HOMER1: variants seen among roughly 807,000 people sequenced by gnomAD.
The protein encoded by HOMER1 is homer protein homolog 1.
Under a neutral mutation model 48.9 loss-of-function variants are expected in HOMER1, and 3 were observed. The observed-to-expected ratio is 0.06, with a 90% CI of 0.03 to 0.16. The LOEUF (loss-of-function observed/expected upper bound fraction) is 0.16, where lower values mean the gene tolerates loss of function less well. HOMER1 is among the 10% of genes least tolerant of loss of function. The pLI is 1.00. For synonymous variants in HOMER1, 134 were observed against 146.4 expected (o/e 0.92, Z 0.61); for missense variants, 247 against 411.4 (o/e 0.60, Z 3.46).
At chr5:79,396,554 AT>A (rs768588814) in intron 8 of HOMER1, among the ~76,000 whole-genome samples, 6 of 150,806 alleles carry the variant, frequency 4.0e-5, no homozygotes, top group African/African-American at 7.3e-5. Flanking sequence ...AACCCAGAGT[AT>A]TTTTTTTTAA....
At chr5:79,381,274 C>A (rs191707667) in intron 8 of HOMER1, among the ~76,000 whole-genome samples, 1 of 152,324 alleles carries the variant, frequency 6.6e-6, no homozygotes, top group East Asian at 1.9e-4. Context: ...CATACAGAGA[C>A]CATGCTACTG....
At chr5:79,378,487 A>C (rs1230898078) in intron 8 of HOMER1, among the ~76,000 whole-genome samples, 1 of 152,200 alleles carries the variant, frequency 6.6e-6, no homozygotes, top group Non-Finnish European at 1.5e-5. Flanking sequence ...GGTCAAGATA[A>C]GTAAATTGAG....
chr5:79,397,055 T>C, intron 7 of HOMER1, 152 bp from the exon 8 acceptor site: 2 of 566,442 alleles, frequency 3.5e-6, no homozygotes, highest in Non-Finnish European at 6.2e-6. Flanking sequence ...AATTCATCTT[T>C]ATATGTATGT....
chr5:79,488,285 G>A (rs1752174970), intron 1 of HOMER1, among the ~76,000 whole-genome samples: 1 of 152,166 alleles, frequency 6.6e-6, no homozygotes, highest in African/African-American at 2.4e-5. Flanking sequence ...AGAAGAGAAG[G>A]GGTCCTGACG....
chr5:79,478,642 A>C (rs544990649), intron 1 of HOMER1, among the ~76,000 whole-genome samples: 1 of 151,780 alleles, frequency 6.6e-6, no homozygotes, highest in Non-Finnish European at 1.5e-5. Context: ...CATTCAAAAT[A>C]ATTCCAATCT....
chr5:79,392,141 T>C (rs975168774), intron 8 of HOMER1, among the ~76,000 whole-genome samples: 1 of 152,222 alleles, frequency 6.6e-6, no homozygotes, highest in Non-Finnish European at 1.5e-5. Context: ...GTCACTGGTT[T>C]ATATATTTAT....
intron 1 of HOMER1, among the ~76,000 whole-genome samples, chr5:79,480,326 C>T (rs1472001295): frequency 1.3e-5 from 2 of 152,068 alleles, no homozygotes; most frequent in Admixed American, 1.3e-4. Flanking sequence ...ACATTTCAAA[C>T]AACTCTAAGA....
intron 1 of HOMER1, among the ~76,000 whole-genome samples, chr5:79,464,825 T>A (rs1007943056): frequency 1.3e-5 from 2 of 152,196 alleles, no homozygotes; most frequent in African/African-American, 2.4e-5. Context: ...TGTTCTTTTT[T>A]AAAAACCATA....
intron 5 of HOMER1, among the ~76,000 whole-genome samples, chr5:79,434,875 C>G (rs1478687734): frequency 1.3e-5 from 2 of 152,050 alleles, no homozygotes; most frequent in African/African-American, 4.8e-5. Context: ...TATAATGCCA[C>G]TGAATCAGGT....
chr5:79,445,414 T>C (rs1182579183), intron 4 of HOMER1, among the ~76,000 whole-genome samples: 3 of 152,336 alleles, frequency 2.0e-5, no homozygotes, highest in Non-Finnish European at 2.9e-5. Flanking sequence ...ATATTAATCA[T>C]ACAGTAAAAC....
intron 1 of HOMER1, among the ~76,000 whole-genome samples, chr5:79,491,900 A>C (rs952725545): frequency 1.3e-5 from 2 of 152,188 alleles, no homozygotes; most frequent in Non-Finnish European, 2.9e-5. Context: ...GACACACAAA[A>C]CCTAAGTAAC....
chr5:79,408,722 T>C lies in HOMER1; in HGVS notation c.528-6667A>G, dbSNP rs1007354541. 1.6e-4 allele frequency among the ~76,000 whole-genome samples: 24 copies of C among 152,190 alleles called. No homozygotes were observed. The East Asian group carries it at 2.7e-3, about 17-fold the overall frequency. ...TAGATATTATACAATACCAAAAACA[T>C]GGTCCATTAAAAAAACTGATCACAG... On this transcript the variant is annotated intron_variant, in intron 5 of 8. Transcript: ENST00000334082.
intron 1 of HOMER1, among the ~76,000 whole-genome samples, chr5:79,466,006 T>C (rs1416090047): frequency 6.6e-6 from 1 of 152,142 alleles, no homozygotes; most frequent in Non-Finnish European, 1.5e-5. Flanking sequence ...AGCTATAAAG[T>C]ATTAAGGAAT....
chr5:79,420,778 A>G (rs1438726088), intron 5 of HOMER1, among the ~76,000 whole-genome samples: 1 of 152,146 alleles, frequency 6.6e-6, no homozygotes, highest in Non-Finnish European at 1.5e-5. Flanking sequence ...TACTGGTTAT[A>G]TATTCTGCTG....
chr5:79,479,023 C>G (rs1751871891), intron 1 of HOMER1, among the ~76,000 whole-genome samples: 1 of 152,168 alleles, frequency 6.6e-6, no homozygotes, highest in Non-Finnish European at 1.5e-5. Context: ...ATTATTAGTT[C>G]TTTGAAAATG....
intron 1 of HOMER1, among the ~76,000 whole-genome samples, chr5:79,469,267 A>G (rs1237865678): frequency 1.3e-5 from 2 of 152,202 alleles, no homozygotes; most frequent in Non-Finnish European, 2.9e-5. Context: ...CAGCGTCAAA[A>G]AACAATTTAC....
intron 1 of HOMER1, chr5:79,511,006 A>C: frequency 2.8e-6 from 1 of 356,614 alleles, no homozygotes; most frequent in Non-Finnish European, 5.1e-6. Context: ...GTACAAAGAA[A>C]CCTCAGGCAG....
At chr5:79,395,219 C>T (rs748551868) in intron 8 of HOMER1, among the ~76,000 whole-genome samples, 1 of 152,164 alleles carries the variant, frequency 6.6e-6, no homozygotes, top group African/African-American at 2.4e-5. Flanking sequence ...CTTGAATCAT[C>T]GCAAGTACCC....
intron 8 of HOMER1, among the ~76,000 whole-genome samples, chr5:79,391,144 T>TG (rs1561345250): frequency 2.4e-3 from 121 of 49,700 alleles, no homozygotes; most frequent in South Asian, 0.019. Context: ...TTTTTTTTGT[T>TG]TTTTTTTTTT....
Sources: allele counts gnomAD v4.1 joint callset (sites outside exome capture counted in the v4.1 genomes callset), GRCh38; gene constraint gnomAD v4.1.1; transcripts MANE v1.5; gene names NCBI Gene and HGNC (gene_info 2026-07-23, HGNC 2026-07-21).